NKAIN2: variants seen among roughly 807,000 people sequenced by gnomAD.
The protein encoded by NKAIN2 is sodium/potassium transporting ATPase interacting 2.
NKAIN2 carries 14 observed loss-of-function variants against 32.6 expected under a neutral mutation model. That is an observed-to-expected ratio of 0.43 (90% CI 0.28 to 0.67). The LOEUF (loss-of-function observed/expected upper bound fraction) is 0.67. Among genes scored for constraint, NKAIN2 ranks in the 30% least tolerant of loss-of-function variants. The probability of loss-of-function intolerance (pLI) is 0.17; values close to 1 mark genes in which losing one functional copy is unlikely to be tolerated. For missense variants in NKAIN2, 198 were observed against 258.3 expected, an observed-to-expected ratio of 0.77 and a Z score of 1.60; for synonymous variants, 80 against 87.2, an observed-to-expected ratio of 0.92 and a Z score of 0.46.
At chr6:124,222,031 C>G (rs1184050658) in intron 1 of NKAIN2, among the ~76,000 whole-genome samples, 2 of 152,152 alleles carry the variant, frequency 1.3e-5, no homozygotes. Context: ...ATCTTGCCTT[C>G]TAGATTACCA....
At chr6:124,593,782 T>C (rs1781992564) in intron 3 of NKAIN2, among the ~76,000 whole-genome samples, 1 of 152,128 alleles carries the variant, frequency 6.6e-6, no homozygotes, top group Admixed American at 6.6e-5. Context: ...AAAGGAAGGA[T>C]TTAAAACATA....
At chr6:124,139,113 G>A (rs995955962) in intron 1 of NKAIN2, among the ~76,000 whole-genome samples, 1 of 120,926 alleles carries the variant, frequency 8.3e-6, no homozygotes, top group Non-Finnish European at 1.6e-5. Flanking sequence ...ACGGAGTCTC[G>A]CTCTGTCGCC....
intron 3 of NKAIN2, among the ~76,000 whole-genome samples, chr6:124,491,306 G>A (rs751775842): frequency 5.3e-5 from 8 of 151,996 alleles, no homozygotes; most frequent in Admixed American, 3.3e-4. Flanking sequence ...CTGCTCTACT[G>A]TGCTCTCTTT....
chr6:124,066,023 T>G (rs1232228280), intron 1 of NKAIN2, among the ~76,000 whole-genome samples: 1 of 152,082 alleles, frequency 6.6e-6, no homozygotes, highest in Non-Finnish European at 1.5e-5. Flanking sequence ...GGGAACAACA[T>G]AAGTCAAGCT....
intron 4 of NKAIN2, among the ~76,000 whole-genome samples, chr6:124,746,288 G>A (rs1777447536): frequency 6.6e-6 from 1 of 151,784 alleles, no homozygotes; most frequent in Non-Finnish European, 1.5e-5. Context: ...AAGAAAATTA[G>A]TGCTTTTAAT....
intron 4 of NKAIN2, among the ~76,000 whole-genome samples, chr6:124,670,966 A>G (rs560787270): frequency 1.8e-4 from 27 of 152,186 alleles, no homozygotes; most frequent in African/African-American, 6.0e-4. Flanking sequence ...TGGTTCACCA[A>G]TAGAAAGAGA....
intron 3 of NKAIN2, among the ~76,000 whole-genome samples, chr6:124,504,617 A>T (rs1778408038): frequency 1.3e-5 from 2 of 152,220 alleles, no homozygotes; most frequent in South Asian, 4.1e-4. Flanking sequence ...TTTTCAAGTA[A>T]TCAACAATGC....
intron 2 of NKAIN2, among the ~76,000 whole-genome samples, chr6:124,341,376 C>T (rs11970516): frequency 0.011 from 1,727 of 152,088 alleles, 38 homozygotes; most frequent in African/African-American, 0.04. Context: ...TTCATTTAAA[C>T]ACATATTAAA....
chr6:124,556,210 A>G (rs1780470440), intron 3 of NKAIN2, among the ~76,000 whole-genome samples: 1 of 151,324 alleles, frequency 6.6e-6, no homozygotes, highest in African/African-American at 2.4e-5. Flanking sequence ...TCCTATTTCC[A>G]TTTTTGTCCT....
At chr6:124,750,798 T>C (rs571513084) in intron 4 of NKAIN2, among the ~76,000 whole-genome samples, 22 of 152,168 alleles carry the variant, frequency 1.4e-4, no homozygotes, top group Admixed American at 1.2e-3. Flanking sequence ...ATTCTATACA[T>C]TGTGACCCTT....
At chr6:124,820,628 G>A (rs1321412263) in intron 6 of NKAIN2, among the ~76,000 whole-genome samples, 1 of 152,148 alleles carries the variant, frequency 6.6e-6, no homozygotes, top group African/African-American at 2.4e-5. Context: ...TATAACAGCG[G>A]TCCCCTGGGC....
intron 1 of NKAIN2, among the ~76,000 whole-genome samples, chr6:123,990,005 G>A (rs1221838057): frequency 1.3e-5 from 2 of 152,148 alleles, no homozygotes; most frequent in Non-Finnish European, 2.9e-5. Flanking sequence ...GGCTAGGGAG[G>A]CCTCAGGAAA....
At chr6:124,779,541 C>G (rs1357374565) in intron 4 of NKAIN2, among the ~76,000 whole-genome samples, 1 of 152,044 alleles carries the variant, frequency 6.6e-6, no homozygotes, top group Non-Finnish European at 1.5e-5. Context: ...TTGTGGCATC[C>G]TGGAAGAGTT....
intron 1 of NKAIN2, among the ~76,000 whole-genome samples, chr6:123,908,775 A>T (rs1775016320): frequency 6.6e-6 from 1 of 152,196 alleles, no homozygotes; most frequent in Admixed American, 6.5e-5. Flanking sequence ...ACTTTTTGGA[A>T]AAAATAATCT....
At chr6:124,752,538 GGTAT>G (rs1777771912) in intron 4 of NKAIN2, among the ~76,000 whole-genome samples, 1 of 150,892 alleles carries the variant, frequency 6.6e-6, no homozygotes, top group Admixed American at 6.6e-5. Context: ...TGTATATGTG[GGTAT>G]GTGTGTGTGT....
At chr6:124,340,689 G>C (rs1335645565) in intron 2 of NKAIN2, among the ~76,000 whole-genome samples, 1 of 151,908 alleles carries the variant, frequency 6.6e-6, no homozygotes, top group African/African-American at 2.4e-5. Flanking sequence ...AGTATAGTTT[G>C]GTATTTTTCA....
intron 1 of NKAIN2, among the ~76,000 whole-genome samples, chr6:123,836,137 A>G (rs1774609370): frequency 6.6e-6 from 1 of 152,128 alleles, no homozygotes; most frequent in Non-Finnish European, 1.5e-5. Flanking sequence ...TGGAGAAGGG[A>G]TAATGCCTCA....
chr6:123,956,323 AT>A (rs1423508180), intron 1 of NKAIN2, among the ~76,000 whole-genome samples: 6 of 152,206 alleles, frequency 3.9e-5, no homozygotes, highest in Non-Finnish European at 7.3e-5. Context: ...ATGTGACTGT[AT>A]TTGGAAACAG....
chr6:124,228,158 C>A (rs957427392), intron 1 of NKAIN2, among the ~76,000 whole-genome samples: 1 of 152,086 alleles, frequency 6.6e-6, no homozygotes, highest in African/African-American at 2.4e-5. Flanking sequence ...GTTTTTGGTT[C>A]CCCCAAATTC....
Sources: gnomAD v4.1 joint callset for allele counts (sites outside exome capture counted in the v4.1 genomes callset) on GRCh38, gnomAD v4.1.1 for gene constraint, MANE v1.5 for transcripts, NCBI Gene and HGNC (gene_info 2026-07-23, HGNC 2026-07-21) for gene names.